AAK1: variants seen among roughly 807,000 people sequenced by gnomAD.
AAK1 encodes the protein AP2-associated protein kinase 1.
AAK1 carries 37 observed loss-of-function variants against 116.0 expected under a neutral mutation model. The observed-to-expected ratio is 0.32, with a 90% CI of 0.25 to 0.42. The LOEUF is 0.42. AAK1 is among the 10% of genes least tolerant of loss of function. The pLI is 1.00. For missense variants in AAK1, 919 were observed against 1,170.6 expected (o/e 0.79, Z 3.14); for synonymous variants, 458 against 439.9 (o/e 1.04, Z -0.51).
At chr2:69,500,079 G>T (rs1040987470) in intron 16 of AAK1, 1 of 152,100 alleles carries the variant, frequency 6.6e-6, no homozygotes, top group East Asian at 1.9e-4. Context: ...ATATAGCCCC[G>T]TGCCATCCTC....
At chr2:69,643,383 T>C (rs1372146947) in intron 1 of AAK1, 109 bp from the exon 2 acceptor site, 1 of 1,181,344 alleles carries the variant, frequency 8.5e-7, no homozygotes, top group African/African-American at 1.6e-5. Context: ...ACGCTTCATG[T>C]ATTTTCCCGG....
At position 69,505,372 on chromosome 2, in the gene AAK1, C is replaced by A. The variant is rs533294163; in HGVS notation, c.2269+197G>T. On this transcript the variant is annotated intron_variant, in intron 16 of 21. Transcript: ENST00000409085. ...ATTCAAAGTGGTTCTAGATCTTTATCCCTTTTTGATCAGAAAGCTTTTGAA... is the reference window on the plus strand; with the variant it reads ...ATTCAAAGTGGTTCTAGATCTTTATACCTTTTTGATCAGAAAGCTTTTGAA... 7.6e-4 allele frequency among the ~76,000 whole-genome samples: 116 copies of A among 152,024 alleles called. 1 individual carries two copies. The South Asian group carries it at 0.014, about 18-fold the overall frequency.
At position 69,502,079 on chromosome 2, in the gene AAK1, T is replaced by C. The variant is rs772792011; in HGVS notation, c.2269+3490A>G. Reference sequence around the variant, plus strand: ...CTAAGTGTTGTCTCTGAAAATATAATAAAACATCCAACCTCTGGCTAGAGT... The same window carrying C: ...CTAAGTGTTGTCTCTGAAAATATAACAAAACATCCAACCTCTGGCTAGAGT... On this transcript the variant is annotated intron_variant, in intron 16 of 21. Transcript: ENST00000409085. Among the ~76,000 whole-genome samples, 3 of 151,928 alleles carry C rather than the reference T, an allele frequency of 2.0e-5. No individual in the cohort carries two copies. In the East Asian group the frequency reaches 5.8e-4, roughly 29 times the overall value.
At chr2:69,615,842 C>T (rs2105226716) in intron 2 of AAK1, among the ~76,000 whole-genome samples, 1 of 152,346 alleles carries the variant, frequency 6.6e-6, no homozygotes, top group South Asian at 2.1e-4. Context: ...TTATGCAGTG[C>T]TTTCAACAGT....
intron 2 of AAK1, among the ~76,000 whole-genome samples, chr2:69,580,822 G>A (rs1415466826): frequency 1.3e-5 from 2 of 152,092 alleles, no homozygotes; most frequent in African/African-American, 4.8e-5. Context: ...CTCTATGAAG[G>A]CTTTAATGCA....
intron 3 of AAK1, among the ~76,000 whole-genome samples, chr2:69,547,636 T>C (rs955033289): frequency 6.6e-6 from 1 of 152,122 alleles, no homozygotes; most frequent in East Asian, 1.9e-4. Context: ...AGGTGAAAAT[T>C]GGAATCCTTG....
Position 69,485,358 on chromosome 2 carries a change from T to G in AAK1, c.2366-2546A>C, listed in dbSNP as rs562976664. 5.9e-5 allele frequency among the ~76,000 whole-genome samples: 9 copies of G among 152,286 alleles called. 1 individual carries two copies. Among genetic ancestry groups the G allele is most frequent in the Admixed American group, 2.0e-4 (3 of 15,288 alleles). On this transcript the variant is annotated intron_variant, in intron 17 of 21. Transcript: ENST00000409085. ...GTGACATGTTGTGACTCTGGCACAG[T>G]TCCTTAACCTTCTGACATTATCTCC...
chr2:69,587,027 C>T (rs1672796804), intron 2 of AAK1, among the ~76,000 whole-genome samples: 1 of 152,048 alleles, frequency 6.6e-6, no homozygotes, highest in Non-Finnish European at 1.5e-5. Flanking sequence ...GCCTTTCTGC[C>T]CAAATCAGCA....
At chr2:69,503,342 G>C (rs1384096837) in intron 16 of AAK1, among the ~76,000 whole-genome samples, 1 of 152,118 alleles carries the variant, frequency 6.6e-6, no homozygotes, top group Non-Finnish European at 1.5e-5. Context: ...TAATTAAAAA[G>C]ATCACTTTTA....
Position 69,518,939 on chromosome 2 carries a change from C to A in AAK1, c.1497+15G>T, listed in dbSNP as rs1396877968. ...CTCAGATATGCAAGCAAGGGCCACA[C>A]TCTGACCACCTTACCTGCTGAGTCT... On this transcript the variant is annotated intron_variant, in intron 12 of 21. Coordinates refer to ENST00000409085, the MANE Select transcript of AAK1 (RefSeq NM_014911.5). 12 of 1,530,458 alleles carry A rather than the reference C, an allele frequency of 7.8e-6. No individual in the cohort carries two copies. The East Asian group carries it at 2.7e-4, about 34-fold the overall frequency. The allele number at this position is 1,530,458 out of a possible 1,614,324, so 94.8% of individuals were successfully genotyped here. A position where few individuals can be genotyped will look rare whatever the true frequency, so the allele number is the denominator to read the frequency against.
rs1004603370 is a variant in AAK1 at position 69,466,616 on chromosome 2, G to T, written c.*9253C>A. ...TTCAACTCTATTTGGAACATTTAAT[G>T]GTCAACCCGCGGCAAAAACATTGTG... On this transcript the variant is annotated 3_prime_UTR_variant, in exon 22 of 22. Coordinates refer to ENST00000409085, the MANE Select transcript of AAK1 (RefSeq NM_014911.5). 2.7e-6 allele frequency: 3 copies of T among 1,095,186 alleles called. No homozygotes were observed. In the African/African-American group the frequency reaches 5.0e-5, roughly 18 times the overall value. The allele number at this position is 1,095,186 out of a possible 1,614,324, so 67.8% of individuals were successfully genotyped here.
At chr2:69,571,487 T>C (rs968100852) in intron 2 of AAK1, among the ~76,000 whole-genome samples, 2 of 152,246 alleles carry the variant, frequency 1.3e-5, no homozygotes, top group Non-Finnish European at 2.9e-5. Context: ...CACTCCTTTT[T>C]ACTTAATCTA....
intron 16 of AAK1, among the ~76,000 whole-genome samples, chr2:69,498,282 G>A (rs756426415): frequency 6.6e-6 from 1 of 152,162 alleles, no homozygotes; most frequent in African/African-American, 2.4e-5. Context: ...TGCTGAGCAT[G>A]TGTGGGCATC....
At chr2:69,612,511 G>A (rs559230410) in intron 2 of AAK1, among the ~76,000 whole-genome samples, 4 of 152,332 alleles carry the variant, frequency 2.6e-5, no homozygotes, top group Admixed American at 1.3e-4. Flanking sequence ...TGGCACAGCT[G>A]GCTCTAGACG....
chr2:69,472,771 G>A lies in AAK1; in HGVS notation c.*3098C>T. 7.1e-6 allele frequency: 7 copies of A among 984,982 alleles called. No individual in the cohort carries two copies. Among genetic ancestry groups the A allele is most frequent in the South Asian group, 4.7e-5 (1 of 21,272 alleles). 61.0% of individuals were successfully genotyped at this position (984,982 alleles called of 1,614,324 possible). On this transcript the variant is annotated 3_prime_UTR_variant, in exon 22 of 22. Transcript: ENST00000409085. ...ATTTGCCCGTTTTAAACTGGTAGAT[G>A]CCTGATTATACATTTAAAAAGAAAT...
intron 17 of AAK1, among the ~76,000 whole-genome samples, chr2:69,483,032 C>T (rs1675155559): frequency 6.6e-6 from 1 of 152,114 alleles, no homozygotes; most frequent in Admixed American, 6.5e-5. Context: ...CTTTGTAAGG[C>T]ATTCAAGATG....
At chr2:69,491,699 T>C (rs754368619) in intron 17 of AAK1, among the ~76,000 whole-genome samples, 5 of 152,192 alleles carry the variant, frequency 3.3e-5, no homozygotes, top group Non-Finnish European at 7.3e-5. Context: ...TGAAACAGCA[T>C]TTCCCATCTT....
At chr2:69,497,249 T>C (rs1352331118) in intron 16 of AAK1, among the ~76,000 whole-genome samples, 1 of 150,132 alleles carries the variant, frequency 6.7e-6, no homozygotes, top group Non-Finnish European at 1.5e-5. Flanking sequence ...GCCTAGTAGC[T>C]AGGATTACAG....
Position 69,476,875 on chromosome 2 carries a change from C to T in AAK1, c.2791+5G>A, listed in dbSNP as rs752426917. The T allele has an allele frequency of 1.2e-6, 2 of 1,608,956 alleles. No homozygotes were observed. Among genetic ancestry groups the T allele is most frequent in the Non-Finnish European group, 1.7e-6 (2 of 1,176,430 alleles). ...CTCTTCTCTTTTCCCCATCCTTTTT[C>T]TTACCTTGTGGGTTTTTGGTTATCA... On this transcript the variant is annotated splice_donor_5th_base_variant and intron_variant, in intron 21 of 21. Transcript: ENST00000409085.
Sources: gnomAD v4.1 joint callset for allele counts (sites outside exome capture counted in the v4.1 genomes callset) on GRCh38, gnomAD v4.1.1 for gene constraint, MANE v1.5 for transcripts, NCBI Gene and HGNC (gene_info 2026-07-23, HGNC 2026-07-21) for gene names.